DOK5: variants seen among roughly 807,000 people sequenced by gnomAD.
DOK5 encodes the protein downstream of tyrosine kinase 5.
A neutral mutation model predicts 43.3 loss-of-function variants in DOK5; 27 were observed. The ratio of observed to expected loss-of-function variants is 0.62; its 90% CI spans 0.46 to 0.86. DOK5 has a LOEUF of 0.86. Among genes scored for constraint, DOK5 ranks in the 40% least tolerant of loss-of-function variants. The pLI, the probability that DOK5 is intolerant of heterozygous loss-of-function variation, is 0.00. For synonymous variants in DOK5, 146 were observed against 140.1 expected, an observed-to-expected ratio of 1.04 and a Z score of -0.30; for missense variants, 373 against 392.9, an observed-to-expected ratio of 0.95 and a Z score of 0.43.
At chr20:54,504,430 A>C (rs1478191211) in intron 1 of DOK5, among the ~76,000 whole-genome samples, 2 of 152,256 alleles carry the variant, frequency 1.3e-5, no homozygotes, top group African/African-American at 4.8e-5. Context: ...TCTTGTTGAA[A>C]AGCAAGATCT....
intron 5 of DOK5, among the ~76,000 whole-genome samples, chr20:54,600,656 A>T (rs1315569441): frequency 6.6e-6 from 1 of 152,122 alleles, no homozygotes; most frequent in African/African-American, 2.4e-5. Context: ...ACATGCCCCT[A>T]AGCCACCACT....
chr20:54,504,760 A>G (rs1352747099), intron 1 of DOK5, among the ~76,000 whole-genome samples: 3 of 152,170 alleles, frequency 2.0e-5, no homozygotes, highest in Non-Finnish European at 4.4e-5. Flanking sequence ...CTCTTTGAAG[A>G]CCTGTCATGG....
At chr20:54,544,527 A>G (rs7272302) in intron 1 of DOK5, among the ~76,000 whole-genome samples, 17,987 of 152,210 alleles carry the variant, frequency 0.12, 1,071 homozygotes, top group Admixed American at 0.15. Context: ...GGTTCATTTT[A>G]ATCACTCCCC....
At chr20:54,635,288 G>A (rs907579499) in intron 6 of DOK5, among the ~76,000 whole-genome samples, 8 of 152,074 alleles carry the variant, frequency 5.3e-5, no homozygotes, top group Non-Finnish European at 5.9e-5. Flanking sequence ...TCTCTTGTGG[G>A]GAAAATCTGT....
intron 6 of DOK5, among the ~76,000 whole-genome samples, chr20:54,612,155 A>G (rs1023588543): frequency 2.6e-5 from 4 of 152,214 alleles, no homozygotes; most frequent in African/African-American, 9.6e-5. Context: ...TAAAAAGTGC[A>G]GGTTTTTTTC....
At chr20:54,604,338 C>G (rs1327754857) in intron 5 of DOK5, among the ~76,000 whole-genome samples, 1 of 151,504 alleles carries the variant, frequency 6.6e-6, no homozygotes, top group Admixed American at 6.6e-5. Flanking sequence ...ATATCCCTCT[C>G]TGTCAGGTGC....
chr20:54,574,046 C>T (rs1476500338), intron 2 of DOK5, among the ~76,000 whole-genome samples: 1 of 152,190 alleles, frequency 6.6e-6, no homozygotes, highest in Non-Finnish European at 1.5e-5. Context: ...AAAAGCACAT[C>T]ACTGACAAAG....
At chr20:54,594,502 G>A (rs1247558999) in intron 5 of DOK5, among the ~76,000 whole-genome samples, 2 of 151,710 alleles carry the variant, frequency 1.3e-5, no homozygotes, top group Non-Finnish European at 2.9e-5. Flanking sequence ...ATGCATTAAC[G>A]ATAACCAGTG....
At chr20:54,617,495 T>G (rs564284717) in intron 6 of DOK5, among the ~76,000 whole-genome samples, 1 of 152,290 alleles carries the variant, frequency 6.6e-6, no homozygotes, top group Admixed American at 6.5e-5. Context: ...TATTTATTAT[T>G]TATTTTTTGT....
intron 6 of DOK5, among the ~76,000 whole-genome samples, chr20:54,627,298 G>T (rs935367651): frequency 3.9e-5 from 6 of 152,204 alleles, no homozygotes; most frequent in African/African-American, 1.4e-4. Context: ...AGTTAATGGA[G>T]TTTTCTAAAC....
At chr20:54,578,504 A>T (rs1398197137) in intron 2 of DOK5, among the ~76,000 whole-genome samples, 2 of 152,192 alleles carry the variant, frequency 1.3e-5, no homozygotes, top group African/African-American at 4.8e-5. Flanking sequence ...AACAGCCCAG[A>T]AAATACACAG....
At chr20:54,607,694 C>G (rs1279700035) in intron 5 of DOK5, among the ~76,000 whole-genome samples, 1 of 151,710 alleles carries the variant, frequency 6.6e-6, no homozygotes, top group Non-Finnish European at 1.5e-5. Context: ...AGACCAGCGG[C>G]CAAAATGGTG....
At chr20:54,561,435 T>C (rs1984901539) in intron 2 of DOK5, among the ~76,000 whole-genome samples, 1 of 152,330 alleles carries the variant, frequency 6.6e-6, no homozygotes, top group South Asian at 2.1e-4. Context: ...TCTTCGTCTC[T>C]TGTTCTTTCC....
chr20:54,538,702 T>A (rs751755131), intron 1 of DOK5, among the ~76,000 whole-genome samples: 16 of 152,194 alleles, frequency 1.1e-4, no homozygotes, highest in Admixed American at 1.0e-3. Context: ...AGTAAAATTA[T>A]GTGAAGGGTG....
In DOK5 at chr20:54,554,960, A is replaced by G. The variant is rs759438621; in HGVS notation, c.94A>G (p.Lys32Glu). The G allele has an allele frequency of 6.2e-7, 1 of 1,613,586 alleles. No individual in the cohort carries two copies. Among genetic ancestry groups the G allele is most frequent in the African/African-American group, 1.3e-5 (1 of 74,922 alleles). ...GIYQRCWLVF[K>E]KASSKGPKRL... ...TTATCAGCGATGCTGGTTAGTATTC[A>G]AGAAAGCTTCAAGCAAAGGTCCAAA... The change falls in exon 2 of 8, where the codon AAG becomes GAG. Residue 32 changes from lysine to glutamate, a missense_variant. Transcript: ENST00000262593.
chr20:54,476,634 C>T (rs1981439694), intron 1 of DOK5, among the ~76,000 whole-genome samples: 1 of 152,096 alleles, frequency 6.6e-6, no homozygotes, highest in Non-Finnish European at 1.5e-5. Context: ...ATTTCTGTTG[C>T]TGGAATACAC....
chr20:54,493,907 C>T (rs1325831032), intron 1 of DOK5, among the ~76,000 whole-genome samples: 3 of 152,084 alleles, frequency 2.0e-5, no homozygotes, highest in Non-Finnish European at 4.4e-5. Context: ...CCACTGCACT[C>T]CAGCCTGGGT....
intron 1 of DOK5, among the ~76,000 whole-genome samples, chr20:54,506,514 T>G (rs6023320): frequency 0.052 from 7,905 of 152,250 alleles, 726 homozygotes; most frequent in African/African-American, 0.18. Flanking sequence ...AGGCTGGAGT[T>G]CAGTGGCACT....
At chr20:54,614,745 A>T (rs1219467556) in intron 6 of DOK5, among the ~76,000 whole-genome samples, 9 of 152,234 alleles carry the variant, frequency 5.9e-5, no homozygotes, top group Non-Finnish European at 1.0e-4. Context: ...GCATCCTGTT[A>T]TAGATGGAAA....
Sources: gnomAD v4.1 joint callset for allele counts (sites outside exome capture counted in the v4.1 genomes callset) on GRCh38, gnomAD v4.1.1 for gene constraint, MANE v1.5 for transcripts, NCBI Gene and HGNC (gene_info 2026-07-23, HGNC 2026-07-21) for gene names.